The following SARDH variants were observed in gnomAD, a reference collection of about 807,000 sequenced individuals.
The protein encoded by SARDH is sarcosine dehydrogenase.
A neutral mutation model predicts 109.1 loss-of-function variants in SARDH; 95 were observed. The ratio of observed to expected loss-of-function variants is 0.87; its 90% CI spans 0.74 to 1.03. SARDH has a LOEUF of 1.03. SARDH is among the 50% of genes least tolerant of loss of function. The probability of loss-of-function intolerance (pLI) is 0.00; values close to 1 mark genes in which losing one functional copy is unlikely to be tolerated. For synonymous variants in SARDH, 572 were observed against 534.8 expected, an observed-to-expected ratio of 1.07 and a Z score of -0.96; for missense variants, 1,267 against 1,287.8, an observed-to-expected ratio of 0.98 and a Z score of 0.25.
At chr9:133,699,731 G>A (rs530342462) in intron 13 of SARDH, among the ~76,000 whole-genome samples, 4 of 152,262 alleles carry the variant, frequency 2.6e-5, no homozygotes, top group Non-Finnish European at 2.9e-5. Context: ...AATAAGTGTT[G>A]GCGAGGATGT....
chr9:133,724,701 A>C (rs1564293086), intron 6 of SARDH, among the ~76,000 whole-genome samples: 1 of 151,112 alleles, frequency 6.6e-6, no homozygotes, highest in Non-Finnish European at 1.5e-5. Context: ...GCTTGGGACC[A>C]GCAGTGTTTC....
In SARDH at chr9:133,666,396, C is replaced by A. The variant is rs540319516; in HGVS notation, c.2631+339G>T. On this transcript the variant is annotated intron_variant, in intron 20 of 20. Transcript: ENST00000439388. This position sits in a 1 kb window ranked among gnomAD's most constrained non-coding sequence, Gnocchi z 5.2. ...AGCCTGGAATCACCAAAGTCGGATT[C>A]TTCCAGAAAGAAAACAGAGAGCAGC... 6.6e-6 allele frequency among the ~76,000 whole-genome samples: 1 copy of A among 152,320 alleles called. No homozygotes were observed. The highest frequency in any genetic ancestry group is 1.9e-4 in the East Asian group (1 of 5,170).
Position 133,700,139 on chromosome 9 carries a change from C to T in SARDH, c.1668+2777G>A, listed in dbSNP as rs576479430. On this transcript the variant is annotated intron_variant, in intron 13 of 20. Coordinates refer to ENST00000439388, the MANE Select transcript of SARDH (RefSeq NM_001134707.2). ...GTCAGGAGTTCAAGACCAGCCTGGT[C>T]AACATGGTGAAATCCCGTCTCTATT... Among the ~76,000 whole-genome samples the T allele has an allele frequency of 3.9e-5, 6 of 152,244 alleles. No individual in the cohort carries two copies. The East Asian group carries it at 9.7e-4, about 25-fold the overall frequency.
chr9:133,662,299 A>G (rs1033575261), downstream of SARDH, among the ~76,000 whole-genome samples: 4 of 152,148 alleles, frequency 2.6e-5, no homozygotes, highest in African/African-American at 7.2e-5. This position sits in a 1 kb window ranked among gnomAD's most constrained non-coding sequence, Gnocchi z 5.1. Context: ...CCTCATCCTC[A>G]GCCTTCCCCC....
At chr9:133,721,590 G>A (rs553921504) in intron 6 of SARDH, among the ~76,000 whole-genome samples, 7 of 152,292 alleles carry the variant, frequency 4.6e-5, no homozygotes, top group South Asian at 2.1e-4. Context: ...AAAAGGGAGC[G>A]GAAGATCTGA....
chr9:133,676,437 C>T (rs748130277), intron 17 of SARDH, among the ~76,000 whole-genome samples: 5 of 152,192 alleles, frequency 3.3e-5, no homozygotes, highest in Non-Finnish European at 7.3e-5. Flanking sequence ...TGTTTCCCAA[C>T]AATGTGAACA....
rs1362123761 is a variant in SARDH at position 133,729,747 on chromosome 9, C to G, written c.915+18G>C. Reference sequence around the variant, plus strand: ...TGCCCCCCACAGACTGACACAGAACCCGGGGCTGTCCACCTACCTGAATCC... The same window carrying G: ...TGCCCCCCACAGACTGACACAGAACGCGGGGCTGTCCACCTACCTGAATCC... On this transcript the variant is annotated intron_variant, in intron 6 of 20. Transcript: ENST00000439388. 1.9e-6 allele frequency: 3 copies of G among 1,606,886 alleles called. No individual in the cohort carries two copies. Among genetic ancestry groups the G allele is most frequent in the Non-Finnish European group, 1.7e-6 (2 of 1,176,144 alleles).
At chr9:133,708,197 G>T in intron 11 of SARDH, 90 bp downstream of exon 11, 3 of 1,465,078 alleles carry the variant, frequency 2.0e-6, no homozygotes, top group East Asian at 2.4e-5. Context: ...CCTGCGGTTG[G>T]GGTACACCTT....
At chr9:133,713,968 T>C (rs1329227490) in intron 8 of SARDH, among the ~76,000 whole-genome samples, 1 of 151,964 alleles carries the variant, frequency 6.6e-6, no homozygotes, top group African/African-American at 2.4e-5. Flanking sequence ...AGGGAGCAAA[T>C]ACTTAAATAA....
Position 133,663,899 on chromosome 9 carries a change from C to A in SARDH, c.2747G>T (p.Gly916Val). The change falls in exon 21 of 21, where the codon GGA (glycine) becomes GTA (valine). Residue 916 changes from glycine (G) to valine (V), a missense_variant. By Grantham distance (109) the Gly-to-Val change is moderately radical. Transcript: ENST00000439388. ...PFDPNNKRVK[G>V]IY ...ATGTGGTCTGAGCCCTCAGTAGATT[C>A]CCTTCACCCTCTTGTTGTTGGGGTC... 2 of 1,614,124 alleles carry A rather than the reference C, an allele frequency of 1.2e-6. No homozygotes were observed. Among genetic ancestry groups the A allele is most frequent in the South Asian group, 2.2e-5 (2 of 91,068 alleles).
intron 17 of SARDH, among the ~76,000 whole-genome samples, chr9:133,681,881 C>T (rs995002739): frequency 1.3e-5 from 2 of 152,152 alleles, no homozygotes; most frequent in African/African-American, 2.4e-5. Flanking sequence ...CGCCAGTTGA[C>T]GCTCATGTCC....
At position 133,670,531 on chromosome 9, in the gene SARDH, CCCTGGCTGT is replaced by C. The variant is rs1830304674; in HGVS notation, c.2495+44_2495+52del. 3.3e-6 allele frequency: 5 copies of C among 1,534,750 alleles called. No individual in the cohort carries two copies. The South Asian group carries it at 6.1e-5, about 19-fold the overall frequency. ...TGGGGGACCAAGAAGCGCCTGCCTG[CCCTGGCTGT>C]AGGCAGTTGCTTCCGGGTGGGCGTG... On this transcript the variant is annotated intron_variant, in intron 19 of 20. Transcript: ENST00000439388.
chr9:133,722,642 G>GCTCTCTCTCTCTCTCTCTCTCTCTCT (rs56179331), intron 6 of SARDH, among the ~76,000 whole-genome samples: 2 of 145,844 alleles, frequency 1.4e-5, no homozygotes, highest in East Asian at 4.1e-4. Flanking sequence ...AACTACTAGC[G>GCTCTCTCTCTCTCTCTCTCTCTCTCT]CTCTCTCTCT....
chr9:133,665,147 T>C (rs1830018277), intron 20 of SARDH, among the ~76,000 whole-genome samples: 1 of 152,110 alleles, frequency 6.6e-6, no homozygotes, highest in Non-Finnish European at 1.5e-5. Context: ...GCAGGAGACG[T>C]GCACCGGCCG....
rs1442954094 is a variant in SARDH at position 133,670,768 on chromosome 9, C to A, written c.2327-16G>T. On this transcript the variant is annotated splice_polypyrimidine_tract_variant and intron_variant, in intron 18 of 20. Coordinates refer to ENST00000439388, the MANE Select transcript of SARDH (RefSeq NM_001134707.2). ...TGCCGGTAGCCTGTGGGAAGGGAAT[C>A]CATGGGGTCGGTGCCACCCTGAGGG... 4 of 1,554,602 alleles carry A rather than the reference C, an allele frequency of 2.6e-6. No individual in the cohort carries two copies. In the South Asian group the frequency reaches 3.7e-5, roughly 14 times the overall value.
downstream of SARDH, among the ~76,000 whole-genome samples, chr9:133,661,751 G>A (rs1468923600): frequency 6.6e-6 from 1 of 152,180 alleles, no homozygotes; most frequent in Admixed American, 6.5e-5. Flanking sequence ...AAAGTGCTGG[G>A]ATTACAGGCG....
chr9:133,723,303 T>A (rs1279098751), intron 6 of SARDH, among the ~76,000 whole-genome samples: 1 of 152,162 alleles, frequency 6.6e-6, no homozygotes, highest in Non-Finnish European at 1.5e-5. Flanking sequence ...CATACAGAGA[T>A]GCAAGGGACC....
At position 133,688,479 on chromosome 9, in the gene SARDH, G is replaced by A. The variant is rs75730933; in HGVS notation, c.2069+1901C>T. On this transcript the variant is annotated intron_variant, in intron 16 of 20. Coordinates refer to ENST00000439388, the MANE Select transcript of SARDH (RefSeq NM_001134707.2). Reference sequence around the variant, plus strand: ...CACTCCCTCCTGGCATCCCTGCCTCGCCTGGCCTGAGGCTCCTCACAGGCC... The same window carrying A: ...CACTCCCTCCTGGCATCCCTGCCTCACCTGGCCTGAGGCTCCTCACAGGCC... Among the ~76,000 whole-genome samples, 514 of 152,080 alleles carry A rather than the reference G, an allele frequency of 3.4e-3. 9 individuals carry two copies. Among genetic ancestry groups the A allele is most frequent in the African/African-American group, 0.012 (485 of 41,468 alleles).
chr9:133,731,252 G>T (rs1442866886), intron 4 of SARDH, 53 bp downstream of exon 4: 4 of 1,597,850 alleles, frequency 2.5e-6, no homozygotes, highest in Non-Finnish European at 3.4e-6. Context: ...GGGTTCTAAG[G>T]CAGGAGGAGT....
Sources: gnomAD v4.1 joint callset for allele counts (sites outside exome capture counted in the v4.1 genomes callset) on GRCh38, gnomAD v4.1.1 for gene constraint, Gnocchi (gnomAD v3.1) non-coding constraint, MANE v1.5 for transcripts, NCBI Gene and HGNC (gene_info 2026-07-23, HGNC 2026-07-21) for gene names.